Variants in SORCS3 observed in about 807,000 individuals in gnomAD.
SORCS3 encodes the protein sortilin related VPS10 domain containing receptor 3.
SORCS3 carries 57 observed loss-of-function variants against 146.3 expected under a neutral mutation model. That is an observed-to-expected ratio of 0.39 (90% CI 0.31 to 0.49). The LOEUF (loss-of-function observed/expected upper bound fraction) is 0.49, where lower values mean the gene tolerates loss of function less well. Among genes scored for constraint, SORCS3 ranks in the 20% least tolerant of loss-of-function variants. SORCS3 has a pLI of 0.92. For synonymous variants in SORCS3, 653 were observed against 618.5 expected (o/e 1.06, Z -0.83); for missense variants, 1,341 against 1,575.5 (o/e 0.85, Z 2.52).
Position 105,263,611 on chromosome 10 carries a change from A to G in SORCS3, c.*237A>G. ...AAGAGCAAAGGATGCATCTTCCCAC[A>G]GCCTCCTCGCTTTACTCTGCCATTG... On this transcript the variant is annotated 3_prime_UTR_variant, in exon 27 of 27. Transcript: ENST00000369701. 2.1e-6 allele frequency: 1 copy of G among 486,012 alleles called. No individual in the cohort carries two copies. Among genetic ancestry groups the G allele is most frequent in the Non-Finnish European group, 3.7e-6 (1 of 271,982 alleles). 30.1% of individuals were successfully genotyped at this position (486,012 alleles called of 1,614,324 possible). A position where few individuals can be genotyped will look rare whatever the true frequency, so the allele number is the denominator to read the frequency against.
chr10:104,792,536 G>A (rs1041707652), intron 1 of SORCS3, among the ~76,000 whole-genome samples: 1 of 152,190 alleles, frequency 6.6e-6, no homozygotes, highest in Admixed American at 6.5e-5. Flanking sequence ...ATTGCTCATA[G>A]CGCTTGCACT....
chr10:105,130,868 G>C (rs2056013781), intron 7 of SORCS3, among the ~76,000 whole-genome samples: 1 of 152,118 alleles, frequency 6.6e-6, no homozygotes, highest in Non-Finnish European at 1.5e-5. Context: ...TCTAACAGAG[G>C]AGATGACATG....
At chr10:105,060,107 G>T (rs1181311174) in intron 5 of SORCS3, among the ~76,000 whole-genome samples, 1 of 152,188 alleles carries the variant, frequency 6.6e-6, no homozygotes, top group African/African-American at 2.4e-5. Context: ...TGTCAGAGGA[G>T]TGGCATCAGT....
At chr10:105,120,621 A>G (rs1225427496) in intron 7 of SORCS3, among the ~76,000 whole-genome samples, 1 of 152,158 alleles carries the variant, frequency 6.6e-6, no homozygotes, top group Non-Finnish European at 1.5e-5. Flanking sequence ...GTTTCTTCCC[A>G]AGAGATCTAA....
At chr10:104,947,147 AT>A (rs2019380150) in intron 3 of SORCS3, among the ~76,000 whole-genome samples, 1 of 152,168 alleles carries the variant, frequency 6.6e-6, no homozygotes, top group African/African-American at 2.4e-5. Context: ...TGCTCCATCA[AT>A]TTTTCTTTGA....
chr10:104,751,612 G>A (rs2016984196), intron 1 of SORCS3, among the ~76,000 whole-genome samples: 1 of 152,100 alleles, frequency 6.6e-6, no homozygotes, highest in African/African-American at 2.4e-5. Context: ...CTGTGCATCT[G>A]GGGCAATCAT....
chr10:105,058,882 T>A (rs937122746), intron 5 of SORCS3, among the ~76,000 whole-genome samples: 7 of 152,318 alleles, frequency 4.6e-5, no homozygotes, highest in African/African-American at 1.7e-4. Context: ...ATATTGTACT[T>A]GGGTGAGGGA....
chr10:105,068,465 T>C (rs1027729766), intron 5 of SORCS3, among the ~76,000 whole-genome samples: 4 of 152,200 alleles, frequency 2.6e-5, no homozygotes, highest in African/African-American at 9.7e-5. Context: ...TTCTTTTGCC[T>C]GGACCAGCTT....
intron 1 of SORCS3, among the ~76,000 whole-genome samples, chr10:104,751,934 T>C (rs1166493945): frequency 1.3e-5 from 1 of 76,078 alleles, no homozygotes; most frequent in East Asian, 3.8e-4. Context: ...CATATATATA[T>C]ATATATATAT....
chr10:105,074,505 G>A (rs1184337692), intron 5 of SORCS3, among the ~76,000 whole-genome samples: 1 of 152,194 alleles, frequency 6.6e-6, no homozygotes, highest in Non-Finnish European at 1.5e-5. Flanking sequence ...TTCAAATCAT[G>A]AATTCAGTGA....
rs367685706 is a variant in SORCS3, at chr10:104,911,356, C to A, written c.696-4477C>A. On this transcript the variant is annotated intron_variant, in intron 2 of 26. Transcript: ENST00000369701. ...GCCAGAGGCATGGAGGAGACTGAGA[C>A]ATAGAGGGTGTCCTTTGTTGGGCAG... Among the ~76,000 whole-genome samples the A allele has an allele frequency of 1.2e-4, 18 of 152,366 alleles. No homozygotes were observed. In the East Asian group the frequency reaches 2.1e-3, roughly 18 times the overall value.
At chr10:104,811,681 G>A (rs1415810716) in intron 1 of SORCS3, among the ~76,000 whole-genome samples, 2 of 152,212 alleles carry the variant, frequency 1.3e-5, no homozygotes, top group Admixed American at 6.5e-5. Context: ...CTCATGGGGA[G>A]AGGTTCATAC....
rs986091740 is a variant in SORCS3, at chr10:105,113,836, A to T, written c.1212+8321A>T. On this transcript the variant is annotated intron_variant, in intron 7 of 26. Transcript: ENST00000369701. Reference sequence around the variant, plus strand: ...AAATCAAAAGAAGCTAATCCTTCCCAGAAGAGCCCTTGTTTTAATAGGGAA... The same window carrying T: ...AAATCAAAAGAAGCTAATCCTTCCCTGAAGAGCCCTTGTTTTAATAGGGAA... Among the ~76,000 whole-genome samples, 8 of 152,286 alleles carry T rather than the reference A, an allele frequency of 5.3e-5. No homozygotes were observed. The South Asian group carries it at 1.7e-3, about 32-fold the overall frequency.
At chr10:104,966,959 T>TG (rs1254755190) in intron 3 of SORCS3, among the ~76,000 whole-genome samples, 1 of 151,984 alleles carries the variant, frequency 6.6e-6, no homozygotes, top group Non-Finnish European at 1.5e-5. Flanking sequence ...ATTACAAGTT[T>TG]TTTTTTTTTT....
intron 22 of SORCS3, among the ~76,000 whole-genome samples, chr10:105,249,880 CA>C (rs1052815557): frequency 2.2e-3 from 322 of 146,938 alleles, no homozygotes; most frequent in African/African-American, 7.5e-3. Context: ...GACTCCATCT[CA>C]AAAAAAAACC....
intron 1 of SORCS3, among the ~76,000 whole-genome samples, chr10:104,678,189 C>T (rs548272324): frequency 5.4e-5 from 7 of 130,410 alleles, no homozygotes; most frequent in Non-Finnish European, 1.2e-4. Flanking sequence ...ACATGGAAGA[C>T]ATCTTTAGGC....
rs774876108 is a variant in SORCS3 at position 104,915,949 on chromosome 10, G to C, written c.795+17G>C. ...AAAAGGAAGGTAAGAGACTGGGTCA[G>C]TAGGTCCTGAGCACTCCTGCTGGGT... On this transcript the variant is annotated intron_variant, in intron 3 of 26. Coordinates refer to ENST00000369701, the MANE Select transcript of SORCS3 (RefSeq NM_014978.3). 1 of 1,598,140 alleles carries C rather than the reference G, an allele frequency of 6.3e-7. No homozygotes were observed. The highest frequency in any genetic ancestry group is 8.6e-7 in the Non-Finnish European group (1 of 1,165,374).
chr10:104,815,322 G>A (rs756409716), intron 1 of SORCS3, among the ~76,000 whole-genome samples: 6 of 151,764 alleles, frequency 4.0e-5, no homozygotes, highest in Non-Finnish European at 7.4e-5. Flanking sequence ...GGTGGCACAC[G>A]CCTGTAGTTC....
intron 4 of SORCS3, among the ~76,000 whole-genome samples, chr10:104,981,409 C>T (rs1374416317): frequency 6.6e-6 from 1 of 152,214 alleles, no homozygotes; most frequent in East Asian, 1.9e-4. Context: ...ACTCTCCTCC[C>T]TCCATCTTAG....
Sources: gnomAD v4.1 joint callset for allele counts (sites outside exome capture counted in the v4.1 genomes callset) on GRCh38, gnomAD v4.1.1 for gene constraint, MANE v1.5 for transcripts, NCBI Gene and HGNC (gene_info 2026-07-23, HGNC 2026-07-21) for gene names.